KIF1A: variants seen among roughly 807,000 people sequenced by gnomAD.
KIF1A encodes kinesin family member 1A.
KIF1A carries 46 observed loss-of-function variants against 227.3 expected under a neutral mutation model. That is an observed-to-expected ratio of 0.20 (90% CI 0.16 to 0.26). KIF1A has a LOEUF of 0.26. Ranked by LOEUF, KIF1A falls within the 10% of genes least tolerant of loss-of-function variation. The pLI is 1.00. For synonymous variants in KIF1A, 1,022 were observed against 1,012.8 expected (o/e 1.01, Z -0.17); for missense variants, 1,683 against 2,485.9 (o/e 0.68, Z 6.87).
intron 27 of KIF1A, among the ~76,000 whole-genome samples, chr2:240,756,125 T>TCCACCCAAGGACAGAGTAAAG (rs2049821255): frequency 6.6e-6 from 1 of 152,030 alleles, no homozygotes; most frequent in Non-Finnish European, 1.5e-5. Flanking sequence ...TTCCACCATC[T>TCCACCCAAGGACAGAGTAAAG]CCACCCAAGG....
At position 240,789,796 on chromosome 2, in the gene KIF1A, T is replaced by C. The variant is rs1361283137; in HGVS notation, c.107-484A>G. Among the ~76,000 whole-genome samples the C allele has an allele frequency of 6.6e-6, 1 of 152,058 alleles. No homozygotes were observed. Among genetic ancestry groups the C allele is most frequent in the Non-Finnish European group, 1.5e-5 (1 of 67,992 alleles). ...TTACGCCTGTGCGGTTCTTCTAGGC[T>C]TGCTACTCCAGACAGAGCTCTATGG... is the stretch of plus-strand genomic sequence containing the variant. On this transcript the variant is annotated intron_variant, in intron 2 of 48. Transcript: ENST00000498729. This position sits in a 1 kb window ranked among gnomAD's most constrained non-coding sequence, Gnocchi z 4.8.
chr2:240,720,934 C>A lies in KIF1A; in HGVS notation c.4848G>T (p.Arg1616=). 1.3e-6 allele frequency: 2 copies of A among 1,584,158 alleles called. No homozygotes were observed. The highest frequency in any genetic ancestry group is 1.7e-6 in the Non-Finnish European group (2 of 1,165,182). The change falls in exon 45 of 49, where the codon CGG becomes CGT. Residue 1616 remains arginine, a synonymous_variant. Transcript: ENST00000498729. The part of the protein sequence containing the change: ...SSTCPSLVEG[R]YGATDLRTPQ... ...CTCACCTCAGGTCAGTGGCACCGTA[C>A]CGCCCTTCAACCAGAGAGGGGCAAG...
rs1454271542 is a variant in KIF1A at position 240,766,749 on chromosome 2, T to TCTCTCTCTCACACACACACACA, written c.1684+165_1684+166insTGTGTGTGTGTGTGAGAGAGAG. Among the ~76,000 whole-genome samples, 1 of 108,972 alleles carries TCTCTCTCTCACACACACACACA rather than the reference T, an allele frequency of 9.2e-6. No homozygotes were observed. Among genetic ancestry groups the TCTCTCTCTCACACACACACACA allele is most frequent in the African/African-American group, 4.1e-5 (1 of 24,110 alleles). 71.5% of individuals were successfully genotyped at this position (108,972 alleles called of 152,430 possible). On this transcript the variant is annotated intron_variant, in intron 19 of 48. Transcript: ENST00000498729. The surrounding 1 kb of genome is among the most constrained non-coding windows in gnomAD (Gnocchi z 5.0). ...CTCTCTCTCTCTCTCTCTCTCTCTC[T>TCTCTCTCTCACACACACACACA]CACACACACACACACACACACACAC... is the stretch of plus-strand genomic sequence containing the variant.
chr2:240,719,716 G>C, intron 46 of KIF1A, 58 bp downstream of exon 46: 1 of 1,454,458 alleles, frequency 6.9e-7, no homozygotes, highest in Non-Finnish European at 9.1e-7. Context: ...AGGGTGGCCT[G>C]CCTGTCCCCT....
At chr2:240,814,801 C>A (rs941632123) in intron 1 of KIF1A, among the ~76,000 whole-genome samples, 1 of 152,178 alleles carries the variant, frequency 6.6e-6, no homozygotes, top group Non-Finnish European at 1.5e-5. Context: ...CCCATAGTCC[C>A]AGCTATTCAG....
Position 240,746,170 on chromosome 2 carries a change from GACTGGA to G in KIF1A, c.3065_3070del (p.Phe1022_Gln1023del). 6.4e-7 allele frequency: 1 copy of G among 1,562,032 alleles called. No homozygotes were observed. Among genetic ancestry groups the G allele is most frequent in the Non-Finnish European group, 8.7e-7 (1 of 1,153,698 alleles). ...CATCCCCACCACGGGGCAAGACTCGGACTGGAACTGATCAGAGGGGGACCAGAGTCA... is the reference window on the plus strand; with the variant it reads ...CATCCCCACCACGGGGCAAGACTCGGACTGATCAGAGGGGGACCAGAGTCA... On this transcript the variant is annotated inframe_deletion and splice_region_variant, in exon 30 of 49. Transcript: ENST00000498729.
rs938154383 is a variant in KIF1A, at chr2:240,757,649, G to A, written c.2583-55C>T. On this transcript the variant is annotated intron_variant, in intron 26 of 48. Coordinates refer to ENST00000498729, the MANE Select transcript of KIF1A (RefSeq NM_001244008.2). The surrounding 1 kb of genome is among the most constrained non-coding windows in gnomAD (Gnocchi z 6.2). ...GTTAACACCAGCGACTCGCAGGGAC[G>A]AACAGGGGCCGGGGCCGGGGCTGGG... 2.7e-5 allele frequency: 41 copies of A among 1,526,632 alleles called. No homozygotes were observed. The highest frequency in any genetic ancestry group is 2.5e-4 in the East Asian group (10 of 40,498). The allele number at this position is 1,526,632 out of a possible 1,614,324, so 94.6% of individuals were successfully genotyped here.
chr2:240,795,786 C>T (rs1263902379), intron 2 of KIF1A, among the ~76,000 whole-genome samples: 4 of 152,226 alleles, frequency 2.6e-5, no homozygotes, highest in Admixed American at 2.6e-4. Context: ...TCCAACCCGC[C>T]CACCTGCCTA....
intron 1 of KIF1A, among the ~76,000 whole-genome samples, chr2:240,811,085 C>T (rs1388450063): frequency 3.3e-5 from 5 of 152,172 alleles, no homozygotes; most frequent in South Asian, 2.1e-4. Context: ...CTATTGGCCG[C>T]GTGCAGTGGC....
Position 240,757,646 on chromosome 2 carries a change from G to C in KIF1A, c.2583-52C>G. ...GAAGTTAACACCAGCGACTCGCAGG[G>C]ACGAACAGGGGCCGGGGCCGGGGCT... On this transcript the variant is annotated intron_variant, in intron 26 of 48. Coordinates refer to ENST00000498729, the MANE Select transcript of KIF1A (RefSeq NM_001244008.2). This position sits in a 1 kb window ranked among gnomAD's most constrained non-coding sequence, Gnocchi z 6.2. 1.3e-6 allele frequency: 2 copies of C among 1,533,200 alleles called. No individual in the cohort carries two copies. The highest frequency in any genetic ancestry group is 2.7e-5 in the African/African-American group (2 of 72,740). The allele number at this position is 1,533,200 out of a possible 1,614,324, so 95.0% of individuals were successfully genotyped here.
In KIF1A at chr2:240,788,041, C is replaced by CCCCGAGTGGCG; in HGVS notation, c.363+9_363+10insCGCCACTCGGG. On this transcript the variant is annotated intron_variant, in intron 4 of 48. Transcript: ENST00000498729. The surrounding 1 kb of genome is among the most constrained non-coding windows in gnomAD (Gnocchi z 6.6). ...GCCAGGGCTGCCCCCGCCCGCCCCC[C>CCCCGAGTGGCG]GCTTCGTGCCTGTGGGATGATGCCC... 1 of 1,520,688 alleles carries CCCCGAGTGGCG rather than the reference C, an allele frequency of 6.6e-7. No individual in the cohort carries two copies. The allele number at this position is 1,520,688 out of a possible 1,614,324, so 94.2% of individuals were successfully genotyped here.
Position 240,745,517 on chromosome 2 carries a change from G to A in KIF1A, c.3375C>T (p.Asn1125=), listed in dbSNP as rs1380599495. 2 of 1,609,298 alleles carry A rather than the reference G, an allele frequency of 1.2e-6. No individual in the cohort carries two copies. Among genetic ancestry groups the A allele is most frequent in the Non-Finnish European group, 8.5e-7 (1 of 1,177,072 alleles). Residue 1125 remains asparagine (N), a splice_region_variant and synonymous_variant, in exon 32 of 49, where the codon AAC becomes AAT. Transcript: ENST00000498729. ...AEYADIFCQF[N]FIHRHDEAFS... is the part of the protein sequence containing the mutation. ...AGGCCTCGTCGTGGCGGTGGATGAA[G>A]CTGCAAAGCAGAGGAGATGCTTTGG... is the stretch of plus-strand genomic sequence containing the variant.
chr2:240,786,189 A>C (rs2054728545), intron 6 of KIF1A, 146 bp downstream of exon 6: 1 of 757,188 alleles, frequency 1.3e-6, no homozygotes, highest in African/African-American at 1.7e-5. Context: ...CACAGGCCTA[A>C]ACGACCTCGG....
chr2:240,773,009 A>C, intron 13 of KIF1A, 105 bp downstream of exon 13: 1 of 1,261,348 alleles, frequency 7.9e-7, no homozygotes. Context: ...CCCAGGGTGC[A>C]GCCAGCAAAG....
intron 31 of KIF1A, 60 bp downstream of exon 31, chr2:240,745,678 G>A (rs1023415786): frequency 1.8e-5 from 29 of 1,570,150 alleles, no homozygotes; most frequent in African/African-American, 6.8e-5. Context: ...ACCCAGGCAC[G>A]GGAGCCTTGG....
chr2:240,723,924 G>A lies in KIF1A; in HGVS notation c.4318+51C>T, dbSNP rs577659854. The A allele has an allele frequency of 1.1e-5, 17 of 1,481,592 alleles. 1 individual carries two copies. Among genetic ancestry groups the A allele is most frequent in the Middle Eastern group, 1.8e-4 (1 of 5,694 alleles). The allele number at this position is 1,481,592 out of a possible 1,614,324, so 91.8% of individuals were successfully genotyped here. ...TCGCTGTGGTCACCCCAAGTGGGCA[G>A]AGGTTGAGCAGGCCAGGAACCCACC... On this transcript the variant is annotated intron_variant, in intron 41 of 48. Coordinates refer to ENST00000498729, the MANE Select transcript of KIF1A (RefSeq NM_001244008.2).
intron 45 of KIF1A, 145 bp downstream of exon 45, chr2:240,720,769 C>T (rs542421929): frequency 3.0e-6 from 3 of 995,714 alleles, no homozygotes; most frequent in Admixed American, 5.9e-5. Flanking sequence ...TCCACTCCTC[C>T]AGGCCCTTCC....
Position 240,719,897 on chromosome 2 carries a change from C to G in KIF1A, c.4898G>C (p.Ser1633Thr). ...RTPQPCSRPASPEPELLPEAD... is the reference protein window; with the variant it reads ...RTPQPCSRPATPEPELLPEAD... ...CTCTGGCAGCAGCTCGGGCTCTGGG[C>G]TGGCTGGCCGGGAGCAGGGCTGCGG... The change falls in exon 46 of 49, where the codon AGC (serine) becomes ACC (threonine). Residue 1633 changes from serine to threonine, a missense_variant. This residue lies in a region of KIF1A where 384 missense variants were observed against 410.1 expected (regional missense o/e 0.94). Transcript: ENST00000498729. 6.2e-7 allele frequency: 1 copy of G among 1,611,260 alleles called. No individual in the cohort carries two copies. The highest frequency in any genetic ancestry group is 8.5e-7 in the Non-Finnish European group (1 of 1,179,350).
In KIF1A at chr2:240,736,963, C is replaced by G. The variant is rs148766525; in HGVS notation, c.4007+100G>C. ...GAGGGAGGGCCGGGAGAGCGTTGAG[C>G]GGGTCACCTTGTGTGGCTGAACCCT... On this transcript the variant is annotated intron_variant, in intron 38 of 48. Coordinates refer to ENST00000498729, the MANE Select transcript of KIF1A (RefSeq NM_001244008.2). The surrounding 1 kb of genome is among the most constrained non-coding windows in gnomAD (Gnocchi z 4.7). 1.0e-6 allele frequency: 1 copy of G among 952,472 alleles called. No individual in the cohort carries two copies. The highest frequency in any genetic ancestry group is 1.6e-5 in the African/African-American group (1 of 62,456). 59.0% of individuals were successfully genotyped at this position (952,472 alleles called of 1,614,324 possible).
Sources: allele counts gnomAD v4.1 joint callset (sites outside exome capture counted in the v4.1 genomes callset), GRCh38; gene constraint gnomAD v4.1.1; regional missense constraint gnomAD v4.1.1; non-coding constraint Gnocchi (gnomAD v3.1); transcripts MANE v1.5; gene names NCBI Gene and HGNC (gene_info 2026-07-23, HGNC 2026-07-21).